Variants in RANBP17 observed in about 807,000 individuals in gnomAD.
RANBP17 encodes ran-binding protein 17.
A neutral mutation model predicts 141.2 loss-of-function variants in RANBP17; 158 were observed. That is an observed-to-expected ratio of 1.12 (90% confidence interval 0.98 to 1.28). The LOEUF is 1.28. RANBP17 is among the 50% of genes most tolerant of loss of function. The pLI is 0.00. For synonymous variants in RANBP17, 430 were observed against 450.0 expected (o/e 0.96, Z 0.56); for missense variants, 1,438 against 1,290.7 (o/e 1.11, Z -1.75).
intron 22 of RANBP17, among the ~76,000 whole-genome samples, chr5:171,238,714 A>G (rs1581094830): frequency 6.6e-6 from 1 of 152,194 alleles, no homozygotes; most frequent in Non-Finnish European, 1.5e-5. Context: ...ACAGTGGTGT[A>G]GAACTGTTCT....
chr5:171,273,353 CTCCTTCTCACTTTCCTACCCATTATA>C (rs1193655953), intron 25 of RANBP17, among the ~76,000 whole-genome samples: 1 of 152,208 alleles, frequency 6.6e-6, no homozygotes, highest in Non-Finnish European at 1.5e-5. Flanking sequence ...TCCTTTGACC[CTCCTTCTCACTTTCCTACCCATTATA>C]ACTATACCAG....
intron 24 of RANBP17, among the ~76,000 whole-genome samples, chr5:171,263,050 A>T (rs2128017194): frequency 6.6e-6 from 1 of 152,354 alleles, no homozygotes; most frequent in South Asian, 2.1e-4. Flanking sequence ...ACTACTAAAC[A>T]CAACTTAAGA....
At chr5:171,143,637 T>G (rs1259404596) in intron 14 of RANBP17, among the ~76,000 whole-genome samples, 1 of 152,182 alleles carries the variant, frequency 6.6e-6, no homozygotes, top group Non-Finnish European at 1.5e-5. Flanking sequence ...ATTTCTTCGG[T>G]AAACATCTAT....
chr5:171,063,807 G>T (rs1051783541), intron 14 of RANBP17, among the ~76,000 whole-genome samples: 1 of 152,196 alleles, frequency 6.6e-6, no homozygotes, highest in African/African-American at 2.4e-5. Flanking sequence ...GAGCTGTGGT[G>T]GGCTCCACCC....
intron 20 of RANBP17, among the ~76,000 whole-genome samples, chr5:171,209,266 A>C (rs1387135329): frequency 1.3e-5 from 2 of 152,196 alleles, no homozygotes; most frequent in African/African-American, 2.4e-5. Context: ...GTTTTGTTAC[A>C]TATACCACTC....
intron 22 of RANBP17, among the ~76,000 whole-genome samples, chr5:171,236,429 G>A (rs1764551158): frequency 6.6e-6 from 1 of 152,156 alleles, no homozygotes; most frequent in East Asian, 1.9e-4. Flanking sequence ...GGTGGAATGG[G>A]AAGCAAATAG....
chr5:171,039,635 TAAGA>T (rs1311169201), intron 14 of RANBP17, among the ~76,000 whole-genome samples: 1 of 151,836 alleles, frequency 6.6e-6, no homozygotes, highest in East Asian at 1.9e-4. Context: ...CTAGCTAGAC[TAAGA>T]AAGAAAAAAG....
At chr5:171,161,472 T>C (rs944484092) in intron 14 of RANBP17, 1 of 196,958 alleles carries the variant, frequency 5.1e-6, no homozygotes, top group Non-Finnish European at 1.1e-5. Flanking sequence ...TTAAGGTGAG[T>C]TGGGTTGCTG....
intron 22 of RANBP17, among the ~76,000 whole-genome samples, chr5:171,223,887 C>T (rs1392861089): frequency 3.3e-5 from 5 of 152,192 alleles, no homozygotes; most frequent in African/African-American, 9.7e-5. Context: ...TACTTACCGA[C>T]TTCATGACCT....
intron 14 of RANBP17, among the ~76,000 whole-genome samples, chr5:171,100,167 T>G (rs1787042401): frequency 6.6e-6 from 1 of 152,230 alleles, no homozygotes; most frequent in Non-Finnish European, 1.5e-5. Flanking sequence ...TGGAATCGTT[T>G]CAGAAGGAAT....
intron 16 of RANBP17, among the ~76,000 whole-genome samples, chr5:171,178,289 G>A (rs1207870743): frequency 1.3e-5 from 2 of 151,086 alleles, no homozygotes; most frequent in Non-Finnish European, 2.9e-5. Flanking sequence ...TTCTGTTCCT[G>A]TGTTAGTTCG....
In RANBP17 at chr5:170,953,677, G is replaced by T. The variant is rs760469858; in HGVS notation, c.1549G>T (p.Ala517Ser). 4 of 1,606,360 alleles carry T rather than the reference G, an allele frequency of 2.5e-6. No individual in the cohort carries two copies. Among genetic ancestry groups the T allele is most frequent in the Non-Finnish European group, 3.4e-6 (4 of 1,173,434 alleles). ...ATATACCAGTACAGATGAGCATGAT[G>T]CTATGGATGGAGAATTATCCTGTCG... Reference protein sequence around the residue: ...LTYTSTDEHDAMDGELSCRVF... With the variant: ...LTYTSTDEHDSMDGELSCRVF... Residue 517 changes from alanine to serine, a missense_variant, in exon 13 of 28, where the codon GCT (alanine) becomes TCT (serine). Coordinates refer to ENST00000523189, the MANE Select transcript of RANBP17 (RefSeq NM_022897.5).
At chr5:170,893,231 A>C (rs1769802791) in intron 4 of RANBP17, among the ~76,000 whole-genome samples, 1 of 112,930 alleles carries the variant, frequency 8.9e-6, no homozygotes, top group Non-Finnish European at 2.0e-5. Context: ...ATTCAGATAT[A>C]TGGACAGCCA....
At chr5:171,220,337 C>T (rs1763475673) in intron 21 of RANBP17, among the ~76,000 whole-genome samples, 1 of 150,662 alleles carries the variant, frequency 6.6e-6, no homozygotes, top group African/African-American at 2.4e-5. Context: ...CCCGGTTAGG[C>T]TACTCGGGAG....
chr5:171,057,480 C>T (rs940016630), intron 14 of RANBP17, among the ~76,000 whole-genome samples: 1 of 151,136 alleles, frequency 6.6e-6, no homozygotes, highest in Non-Finnish European at 1.5e-5. Flanking sequence ...ACATAGAGTT[C>T]CTCTTCATTC....
intron 14 of RANBP17, among the ~76,000 whole-genome samples, chr5:171,073,696 A>T (rs1421912436): frequency 6.6e-6 from 1 of 152,150 alleles, no homozygotes; most frequent in African/African-American, 2.4e-5. Flanking sequence ...TTCAGCGTCT[A>T]CCCTAATCTT....
intron 5 of RANBP17, 168 bp downstream of exon 5, chr5:170,896,283 G>A: frequency 1.7e-6 from 1 of 571,572 alleles, no homozygotes; most frequent in Non-Finnish European, 3.1e-6. Context: ...TAATTAAGTG[G>A]TGGAATATTT....
chr5:171,238,264 AC>A (rs1469646934), intron 22 of RANBP17, among the ~76,000 whole-genome samples: 1 of 152,220 alleles, frequency 6.6e-6, no homozygotes, highest in Non-Finnish European at 1.5e-5. Context: ...GATTTTTCAC[AC>A]AAAAAAATTT....
intron 12 of RANBP17, among the ~76,000 whole-genome samples, chr5:170,937,538 T>A (rs2127469269): frequency 6.6e-6 from 1 of 152,330 alleles, no homozygotes; most frequent in South Asian, 2.1e-4. Flanking sequence ...AGCTCAGTAG[T>A]ACATTTGGTA....
Sources: gnomAD v4.1 joint callset for allele counts (sites outside exome capture counted in the v4.1 genomes callset) on GRCh38, gnomAD v4.1.1 for gene constraint, MANE v1.5 for transcripts, NCBI Gene and HGNC (gene_info 2026-07-23, HGNC 2026-07-21) for gene names.